The following LAMA1 variants were observed in gnomAD, a reference collection of about 807,000 sequenced individuals.
The protein encoded by LAMA1 is laminin subunit alpha 1, also known as laminin subunit alpha-1.
In LAMA1, 219 loss-of-function variants were observed where a neutral mutation model predicts 348.7. That is an observed-to-expected ratio of 0.63 (90% CI 0.56 to 0.70). LAMA1 has a LOEUF of 0.70. Among genes scored for constraint, LAMA1 ranks in the 30% least tolerant of loss-of-function variants. The pLI, the probability that LAMA1 is intolerant of heterozygous loss-of-function variation, is 0.00. For missense variants in LAMA1, 3,744 were observed against 3,888.0 expected, an observed-to-expected ratio of 0.96 and a Z score of 0.99; for synonymous variants, 1,487 against 1,491.0, an observed-to-expected ratio of 1.00 and a Z score of 0.06.
intron 6 of LAMA1, 112 bp downstream of exon 6, chr18:7,046,166 A>G: frequency 1.5e-6 from 1 of 673,638 alleles, no homozygotes; most frequent in African/African-American, 1.8e-5. Flanking sequence ...GTTTTTTTGG[A>G]GCATAATTTT....
intron 22 of LAMA1, 50 bp downstream of exon 22, chr18:7,015,672 T>C (rs2057884037): frequency 1.2e-6 from 2 of 1,610,056 alleles, no homozygotes; most frequent in South Asian, 1.1e-5. Flanking sequence ...TGAAACTTGC[T>C]ACAGCAAAGC....
intron 56 of LAMA1, chr18:6,955,708 T>C (rs1450502774): frequency 3.3e-6 from 2 of 610,142 alleles, no homozygotes; most frequent in African/African-American, 1.8e-5. Flanking sequence ...TTCACTGAAA[T>C]TCATAAGGAC....
In LAMA1 at chr18:6,964,511, C is replaced by T. The variant is rs192459458; in HGVS notation, c.7337+151G>A. 5.5e-5 allele frequency: 50 copies of T among 904,216 alleles called. No homozygotes were observed. The Admixed American group carries it at 8.1e-4, about 15-fold the overall frequency. The allele number at this position is 904,216 out of a possible 1,614,324, so 56.0% of individuals were successfully genotyped here. A position where few individuals can be genotyped will look rare whatever the true frequency, so the allele number is the denominator to read the frequency against. ...CTCAAAAGGAAGCAAGCCCTGCCAA[C>T]ACCTTGCTTTTGGACTTGCAGCCTC... is the stretch of plus-strand genomic sequence containing the variant. On this transcript the variant is annotated intron_variant, in intron 51 of 62. Coordinates refer to ENST00000389658, the MANE Select transcript of LAMA1 (RefSeq NM_005559.4).
chr18:7,075,350 C>T (rs1022276654), intron 3 of LAMA1, among the ~76,000 whole-genome samples: 2 of 152,114 alleles, frequency 1.3e-5, no homozygotes, highest in Non-Finnish European at 2.9e-5. Context: ...AGGTCAGGCG[C>T]GGTGGCTCAC....
intron 24 of LAMA1, 86 bp from the exon 25 acceptor site, chr18:7,011,565 C>T (rs1568030072): frequency 1.7e-6 from 2 of 1,191,170 alleles, no homozygotes; most frequent in Non-Finnish European, 2.4e-6. Context: ...CATTGTTTCA[C>T]AGATGAAACA....
At chr18:6,948,122 T>A (rs1238336696) in intron 60 of LAMA1, among the ~76,000 whole-genome samples, 1 of 152,196 alleles carries the variant, frequency 6.6e-6, no homozygotes, top group East Asian at 1.9e-4. Context: ...AAGTGTGCAT[T>A]ACAGAACCTG....
At chr18:7,045,370 T>C (rs540108701) in intron 6 of LAMA1, among the ~76,000 whole-genome samples, 15 of 152,134 alleles carry the variant, frequency 9.9e-5, no homozygotes, top group African/African-American at 3.6e-4. Context: ...CTCAGGAGGC[T>C]GAAGCAAGAT....
At chr18:6,956,401 A>G (rs1006813771) in intron 56 of LAMA1, 4 of 684,362 alleles carry the variant, frequency 5.8e-6, no homozygotes, top group African/African-American at 5.3e-5. Flanking sequence ...ACATCAGCCC[A>G]ATGCGCGGCC....
At chr18:6,971,783 T>C in intron 48 of LAMA1, 74 bp downstream of exon 48, 1 of 1,597,494 alleles carries the variant, frequency 6.3e-7, no homozygotes, top group African/African-American at 1.3e-5. Context: ...GTGCATGTAT[T>C]AATACATTCT....
intron 48 of LAMA1, among the ~76,000 whole-genome samples, chr18:6,966,811 AAGACCCATATCATACTTAG>A (rs1306520801): frequency 6.6e-6 from 1 of 152,302 alleles, no homozygotes; most frequent in East Asian, 1.9e-4. Context: ...GATGAGCTTA[AAGACCCATATCATACTTAG>A]AGATGAGTAC....
At chr18:7,002,008 T>C (rs1441432398) in intron 30 of LAMA1, among the ~76,000 whole-genome samples, 1 of 152,170 alleles carries the variant, frequency 6.6e-6, no homozygotes, top group Non-Finnish European at 1.5e-5. Flanking sequence ...CTAAAATGAG[T>C]CTTAAAAAAC....
At chr18:7,036,344 C>T (rs200967011) in intron 12 of LAMA1, among the ~76,000 whole-genome samples, 6 of 152,140 alleles carry the variant, frequency 3.9e-5, no homozygotes, top group African/African-American at 1.2e-4. Context: ...TGTTAGAGAC[C>T]ACAAGGCAAA....
intron 3 of LAMA1, among the ~76,000 whole-genome samples, chr18:7,070,661 C>A (rs982616690): frequency 6.6e-6 from 1 of 152,166 alleles, no homozygotes; most frequent in South Asian, 2.1e-4. Flanking sequence ...GATTATGTTC[C>A]CACAACAAAG....
chr18:7,011,629 G>T, intron 24 of LAMA1, 150 bp from the exon 25 acceptor site: 1 of 905,626 alleles, frequency 1.1e-6, no homozygotes, highest in Non-Finnish European at 1.8e-6. Flanking sequence ...CTAAACATCT[G>T]GAAGAAAATG....
Position 7,016,596 on chromosome 18 carries a change from C to T in LAMA1, c.2884G>A (p.Gly962Ser). Residue 962 changes from glycine to serine, a missense_variant, in exon 21 of 63, where the codon GGC becomes AGC. By Grantham distance (56) the Gly-to-Ser change is moderately conservative. Around this residue, in one of 3 missense-constraint regions of LAMA1, gnomAD observed 1,529 missense variants for 1,689.4 expected, o/e 0.91. Transcript: ENST00000389658. ...NCSVAGSVSDGCTDEGQCHCV... is the reference protein window; with the variant it reads ...NCSVAGSVSDSCTDEGQCHCV... ...TGACACTGGCCTTCATCCGTGCAGC[C>T]ATCTGACACGGAGCCTGCCACGCTG... 1 of 1,614,184 alleles carries T rather than the reference C, an allele frequency of 6.2e-7. No individual in the cohort carries two copies. Among genetic ancestry groups the T allele is most frequent in the Non-Finnish European group, 8.5e-7 (1 of 1,180,034 alleles).
At chr18:7,059,184 C>T (rs2058093678) in intron 3 of LAMA1, among the ~76,000 whole-genome samples, 1 of 152,224 alleles carries the variant, frequency 6.6e-6, no homozygotes, top group Non-Finnish European at 1.5e-5. Flanking sequence ...GCCACTGTGC[C>T]TGGCCAGTAT....
intron 5 of LAMA1, among the ~76,000 whole-genome samples, chr18:7,047,108 G>A (rs8089525): frequency 0.028 from 4,170 of 150,054 alleles, 183 homozygotes; most frequent in African/African-American, 0.095. Context: ...GCAGTGGCGC[G>A]ATCTCAGCTC....
At chr18:6,990,162 T>G (rs193163777) in intron 36 of LAMA1, among the ~76,000 whole-genome samples, 1 of 152,354 alleles carries the variant, frequency 6.6e-6, no homozygotes, top group East Asian at 1.9e-4. Flanking sequence ...TTAAACTTTC[T>G]TATTGTATTT....
intron 1 of LAMA1, among the ~76,000 whole-genome samples, chr18:7,112,416 AAGT>A (rs1348192918): frequency 3.9e-5 from 6 of 152,302 alleles, no homozygotes; most frequent in Non-Finnish European, 8.8e-5. Context: ...AATAGGGAAG[AAGT>A]AGATTTTATG....
Sources: allele counts gnomAD v4.1 joint callset (sites outside exome capture counted in the v4.1 genomes callset), GRCh38; gene constraint gnomAD v4.1.1; regional missense constraint gnomAD v4.1.1; transcripts MANE v1.5; gene names NCBI Gene and HGNC (gene_info 2026-07-23, HGNC 2026-07-21).